DLGAP1: variants seen among roughly 807,000 people sequenced by gnomAD.
The protein encoded by DLGAP1 is DLG associated protein 1, also known as disks large-associated protein 1.
DLGAP1 carries 11 observed loss-of-function variants against 90.8 expected under a neutral mutation model. The ratio of observed to expected loss-of-function variants is 0.12; its 90% CI spans 0.08 to 0.20. The LOEUF is 0.20. Ranked by LOEUF, DLGAP1 falls within the 10% of genes least tolerant of loss-of-function variation. The pLI is 1.00. For synonymous variants in DLGAP1, 558 were observed against 540.7 expected (o/e 1.03, Z -0.44); for missense variants, 1,050 against 1,333.8 (o/e 0.79, Z 3.31).
intron 1 of DLGAP1, among the ~76,000 whole-genome samples, chr18:4,442,105 C>A (rs1453176554): frequency 2.0e-5 from 3 of 152,184 alleles, no homozygotes; most frequent in Non-Finnish European, 2.9e-5. Flanking sequence ...AATTCTTCTG[C>A]CTCAGTCTCC....
chr18:4,300,761 G>A (rs12958699), intron 1 of DLGAP1, among the ~76,000 whole-genome samples: 32,755 of 151,924 alleles, frequency 0.22, 3,628 homozygotes, highest in African/African-American at 0.25. Flanking sequence ...ATTGCCTCCG[G>A]AATGATAGGT....
intron 1 of DLGAP1, among the ~76,000 whole-genome samples, chr18:4,243,771 A>C (rs560318246): frequency 3.3e-5 from 5 of 152,194 alleles, no homozygotes; most frequent in Non-Finnish European, 7.4e-5. Context: ...GGGATGTTTC[A>C]GTCAGGTGTG....
At chr18:4,224,159 C>T (rs1201373823) in intron 1 of DLGAP1, among the ~76,000 whole-genome samples, 2 of 152,146 alleles carry the variant, frequency 1.3e-5, no homozygotes, top group African/African-American at 4.8e-5. Flanking sequence ...GACTAAAGAG[C>T]TTTTGGCCTC....
At chr18:4,370,839 G>A (rs923395185) in intron 1 of DLGAP1, among the ~76,000 whole-genome samples, 2 of 151,756 alleles carry the variant, frequency 1.3e-5, no homozygotes, top group Admixed American at 1.3e-4. Flanking sequence ...GGAAACACTC[G>A]TCACTTCCTC....
intron 2 of DLGAP1, among the ~76,000 whole-genome samples, chr18:4,104,702 T>C (rs1434662989): frequency 6.6e-6 from 1 of 152,206 alleles, no homozygotes; most frequent in African/African-American, 2.4e-5. Flanking sequence ...AGTATACATC[T>C]CTTCTCTGTC....
At chr18:3,894,202 C>A (rs1470919257) in intron 3 of DLGAP1, among the ~76,000 whole-genome samples, 1 of 152,100 alleles carries the variant, frequency 6.6e-6, no homozygotes. Flanking sequence ...TGTACAGAAG[C>A]TTTTTAATTT....
At chr18:4,003,621 G>A (rs1299212356) in intron 3 of DLGAP1, among the ~76,000 whole-genome samples, 2 of 152,050 alleles carry the variant, frequency 1.3e-5, no homozygotes, top group Non-Finnish European at 2.9e-5. Flanking sequence ...GGGTGAAAGT[G>A]TCTCCATCAA....
At chr18:4,299,104 A>AAAAAAAAAAAAAAC (rs1555779074) in intron 1 of DLGAP1, among the ~76,000 whole-genome samples, 34 of 131,766 alleles carry the variant, frequency 2.6e-4, no homozygotes, top group East Asian at 4.7e-4. Flanking sequence ...AAAAAAAAAA[A>AAAAAAAAAAAAAAC]AAAAAATAGA....
chr18:4,447,670 T>C (rs1276707431), intron 1 of DLGAP1, among the ~76,000 whole-genome samples: 1 of 151,996 alleles, frequency 6.6e-6, no homozygotes, highest in African/African-American at 2.4e-5. Flanking sequence ...TAATGAATAA[T>C]AAAGAATTAA....
intron 7 of DLGAP1, among the ~76,000 whole-genome samples, chr18:3,646,475 C>T (rs559058525): frequency 6.6e-6 from 1 of 152,108 alleles, no homozygotes; most frequent in African/African-American, 2.4e-5. Context: ...GAAAAGGAAA[C>T]AGTTGTGTAG....
chr18:4,049,288 C>A (rs952539688), intron 2 of DLGAP1, among the ~76,000 whole-genome samples: 4 of 152,070 alleles, frequency 2.6e-5, no homozygotes, highest in Admixed American at 2.0e-4. Context: ...CAGATGTCAG[C>A]CATAGCCTGG....
intron 2 of DLGAP1, among the ~76,000 whole-genome samples, chr18:4,093,063 A>G (rs1798520729): frequency 6.6e-6 from 1 of 152,128 alleles, no homozygotes; most frequent in African/African-American, 2.4e-5. Context: ...TGGGTTTAAG[A>G]ACATTTATGA....
intron 7 of DLGAP1, among the ~76,000 whole-genome samples, chr18:3,620,317 G>T (rs2058049111): frequency 6.6e-6 from 1 of 152,020 alleles, no homozygotes; most frequent in Non-Finnish European, 1.5e-5. Context: ...TTTAAGCCAA[G>T]GAACACAGGC....
intron 1 of DLGAP1, among the ~76,000 whole-genome samples, chr18:4,230,335 A>C (rs1409800306): frequency 2.6e-5 from 4 of 151,982 alleles, no homozygotes; most frequent in Admixed American, 2.0e-4. Flanking sequence ...TGCACTCTGC[A>C]CTCCCGTGTT....
chr18:4,001,293 C>T (rs1165707033), intron 3 of DLGAP1, among the ~76,000 whole-genome samples: 1 of 151,722 alleles, frequency 6.6e-6, no homozygotes, highest in Non-Finnish European at 1.5e-5. Flanking sequence ...TTTTTGAGTT[C>T]TTAAAATTCT....
At chr18:3,797,325 GAAA>G (rs746881430) in intron 5 of DLGAP1, among the ~76,000 whole-genome samples, 1 of 132,882 alleles carries the variant, frequency 7.5e-6, no homozygotes, top group Admixed American at 7.4e-5. Context: ...ACTGTCTCAG[GAAA>G]AAAAAAAAAA....
At chr18:4,308,423 C>G (rs7235613) in intron 1 of DLGAP1, among the ~76,000 whole-genome samples, 35,703 of 152,080 alleles carry the variant, frequency 0.23, 4,288 homozygotes, top group Middle Eastern at 0.28. Context: ...AATGGCTGCT[C>G]TTTAAAATAA....
chr18:4,041,423 A>G (rs921801489), intron 2 of DLGAP1, among the ~76,000 whole-genome samples: 1 of 152,230 alleles, frequency 6.6e-6, no homozygotes, highest in Non-Finnish European at 1.5e-5. Flanking sequence ...TGCAACATCA[A>G]TATGTGACAT....
chr18:4,201,361 C>T (rs982123514), intron 1 of DLGAP1, among the ~76,000 whole-genome samples: 1 of 152,060 alleles, frequency 6.6e-6, no homozygotes. Context: ...TTTTCCAGCA[C>T]CGTTTATTGA....
Sources: allele counts gnomAD v4.1 joint callset (sites outside exome capture counted in the v4.1 genomes callset), GRCh38; gene constraint gnomAD v4.1.1; transcripts MANE v1.5; gene names NCBI Gene and HGNC (gene_info 2026-07-23, HGNC 2026-07-21).